CYLD: variants seen among roughly 807,000 people sequenced by gnomAD.
CYLD encodes CYLD lysine 63 deubiquitinase.
CYLD carries 26 observed loss-of-function variants against 104.5 expected under a neutral mutation model. The ratio of observed to expected loss-of-function variants is 0.25; its 90% CI spans 0.18 to 0.35. The LOEUF is 0.35. Ranked by LOEUF, CYLD falls within the 10% of genes least tolerant of loss-of-function variation. The pLI, the probability that CYLD is intolerant of heterozygous loss-of-function variation, is 1.00. For synonymous variants in CYLD, 385 were observed against 399.9 expected (o/e 0.96, Z 0.45); for missense variants, 703 against 1,136.1 (o/e 0.62, Z 5.48).
In CYLD at chr16:50,776,183, T is replaced by A; in HGVS notation, c.927T>A (p.Ser309Arg). 6.8e-6 allele frequency: 11 copies of A among 1,609,244 alleles called. No homozygotes were observed. Among genetic ancestry groups the A allele is most frequent in the Non-Finnish European group, 9.4e-6 (11 of 1,175,874 alleles). ...INDIIPALSE[S>R]VTQERRPPKL... is the part of the protein sequence containing the mutation. The stretch of plus-strand genomic sequence containing the variant: ...AAAACATGCTTACTGTTTCAGAGAG[T>A]GTGACGCAGGAAAGGAGGCCTCCCA... The change falls in exon 7 of 19, where the codon AGT (serine) becomes AGA (arginine). Residue 309 changes from serine (S) to arginine (R), a missense_variant. By Grantham distance (110) the Ser-to-Arg change is moderately radical. Coordinates refer to ENST00000427738, the MANE Select transcript of CYLD (RefSeq NM_001378743.1).
At chr16:50,751,981 CATATAT>C (rs1295381121) in intron 4 of CYLD, 75 bp downstream of exon 4, 4 of 114,532 alleles carry the variant, frequency 3.5e-5, no homozygotes, top group Non-Finnish European at 5.0e-5. Context: ...TATATATAAA[CATATAT>C]ATACACACAT....
rs1041866012 is a variant in CYLD at position 50,799,022 on chromosome 16, C to G, written c.*2514C>G. On this transcript the variant is annotated 3_prime_UTR_variant, in exon 19 of 19. Coordinates refer to ENST00000427738, the MANE Select transcript of CYLD (RefSeq NM_001378743.1). Reference sequence around the variant, plus strand: ...CCCCCTACTGTTCTGTGCTTCAGCACAGCCTGGTTTGTCAAGAGGCACATA... The same window carrying G: ...CCCCCTACTGTTCTGTGCTTCAGCAGAGCCTGGTTTGTCAAGAGGCACATA... The G allele has an allele frequency of 8.6e-6, 2 of 233,344 alleles. No individual in the cohort carries two copies. Among genetic ancestry groups the G allele is most frequent in the Non-Finnish European group, 1.7e-5 (2 of 118,094 alleles). 14.5% of individuals were successfully genotyped at this position (233,344 alleles called of 1,614,324 possible).
chr16:50,762,449 T>A (rs1364140955), intron 5 of CYLD, among the ~76,000 whole-genome samples: 1 of 151,960 alleles, frequency 6.6e-6, no homozygotes, highest in African/African-American at 2.4e-5. Context: ...GATGTACACG[T>A]GTGGATCTTT....
chr16:50,779,320 C>T (rs186702295), intron 8 of CYLD, among the ~76,000 whole-genome samples: 1 of 151,850 alleles, frequency 6.6e-6, no homozygotes, highest in African/African-American at 2.4e-5. Flanking sequence ...TTTTTTGATC[C>T]ATTAGATATA....
chr16:50,753,696 G>A (rs1314877272), intron 4 of CYLD, among the ~76,000 whole-genome samples: 1 of 152,298 alleles, frequency 6.6e-6, no homozygotes, highest in East Asian at 1.9e-4. Flanking sequence ...TTGTCTGACT[G>A]GCCCGTCTAC....
intron 5 of CYLD, among the ~76,000 whole-genome samples, chr16:50,768,404 A>G (rs1321798342): frequency 6.6e-6 from 1 of 152,168 alleles, no homozygotes; most frequent in Non-Finnish European, 1.5e-5. Context: ...TTCTTGCCCA[A>G]TTACCTTCAT....
chr16:50,795,408 G>C lies in CYLD; in HGVS notation c.2687-916G>C, dbSNP rs1971926981. On this transcript the variant is annotated intron_variant, in intron 18 of 18. Coordinates refer to ENST00000427738, the MANE Select transcript of CYLD (RefSeq NM_001378743.1). ...TGCTTAATGAATGCCAGGCAGGATA[G>C]TGGGTTGTAGGTAAGAAATGTTTGT... is the stretch of plus-strand genomic sequence containing the variant. The C allele has an allele frequency of 5.0e-6, 3 of 600,470 alleles. No individual in the cohort carries two copies. In the African/African-American group the frequency reaches 5.5e-5, roughly 11 times the overall value. 37.2% of individuals were successfully genotyped at this position (600,470 alleles called of 1,614,324 possible). A position where few individuals can be genotyped will look rare whatever the true frequency, so the allele number is the denominator to read the frequency against.
chr16:50,765,418 C>G (rs1968392110), intron 5 of CYLD, among the ~76,000 whole-genome samples: 1 of 152,202 alleles, frequency 6.6e-6, no homozygotes, highest in Non-Finnish European at 1.5e-5. Context: ...GACTGCTCCA[C>G]TGACTAGTGG....
chr16:50,792,120 T>C (rs72796392), intron 15 of CYLD, among the ~76,000 whole-genome samples: 2,315 of 152,340 alleles, frequency 0.015, 33 homozygotes, highest in Non-Finnish European at 0.023. Flanking sequence ...TTTTCTTTTA[T>C]TGTCCAAGAA....
At chr16:50,747,622 T>C (rs963905683) in intron 2 of CYLD, among the ~76,000 whole-genome samples, 1 of 152,164 alleles carries the variant, frequency 6.6e-6, no homozygotes, top group African/African-American at 2.4e-5. Flanking sequence ...TCCAACCAAA[T>C]TGAGGGGTTG....
At chr16:50,796,126 G>A (rs1972024448) in intron 18 of CYLD, among the ~76,000 whole-genome samples, 198 bp from the exon 19 acceptor site, 2 of 152,120 alleles carry the variant, frequency 1.3e-5, no homozygotes, top group Admixed American at 6.5e-5. Flanking sequence ...TTCACTGTTG[G>A]CCCCAGAATC....
chr16:50,754,923 A>C (rs531614635), intron 5 of CYLD, among the ~76,000 whole-genome samples: 305 of 148,534 alleles, frequency 2.1e-3, no homozygotes, highest in Non-Finnish European at 3.3e-3. Flanking sequence ...ATGTATACAT[A>C]TATACACACA....
At chr16:50,763,152 C>T (rs1968138212) in intron 5 of CYLD, among the ~76,000 whole-genome samples, 1 of 152,122 alleles carries the variant, frequency 6.6e-6, no homozygotes, top group African/African-American at 2.4e-5. Flanking sequence ...ACTTTTTTCA[C>T]TTAGCATAAT....
intron 1 of CYLD, 185 bp from the exon 2 acceptor site, chr16:50,742,575 CTG>C (rs976715909): frequency 2.8e-4 from 48 of 169,650 alleles, no homozygotes; most frequent in African/African-American, 1.0e-3. Flanking sequence ...GATTGGGAGA[CTG>C]AGGCACAGGC....
At chr16:50,754,968 CAT>C (rs1214157194) in intron 5 of CYLD, among the ~76,000 whole-genome samples, 44 of 138,536 alleles carry the variant, frequency 3.2e-4, no homozygotes, top group South Asian at 4.4e-4. Flanking sequence ...CATATACACA[CAT>C]ATATGTATAC....
intron 4 of CYLD, among the ~76,000 whole-genome samples, chr16:50,752,634 C>G (rs1031532629): frequency 3.9e-5 from 6 of 152,100 alleles, no homozygotes; most frequent in South Asian, 4.1e-4. Context: ...TTTCATCATC[C>G]CAAACCGAAA....
At chr16:50,786,461 T>C in intron 12 of CYLD, 1 of 181,116 alleles carries the variant, frequency 5.5e-6, no homozygotes, top group Non-Finnish European at 1.2e-5. Context: ...ATACTGGAGT[T>C]GTATAAGAAA....
chr16:50,781,423 C>G lies in CYLD; in HGVS notation c.1684+12C>G. 1 of 1,613,012 alleles carries G rather than the reference C, an allele frequency of 6.2e-7. No homozygotes were observed. ...CTGTAACTCTTTAGGTATTTGGATG[C>G]TTTTTGTTTACTTAACAACCTGGAA... On this transcript the variant is annotated intron_variant, in intron 10 of 18. Coordinates refer to ENST00000427738, the MANE Select transcript of CYLD (RefSeq NM_001378743.1).
chr16:50,774,877 A>G lies in CYLD; in HGVS notation c.914-289A>G, dbSNP rs149482018. ...ATTAGTACATAGCTTTTCTCTTATT[A>G]TATCACTTGATCGAAATCGTGGTTA... is the stretch of plus-strand genomic sequence containing the variant. On this transcript the variant is annotated intron_variant, in intron 5 of 18. Transcript: ENST00000427738. 4.8e-3 allele frequency among the ~76,000 whole-genome samples: 730 copies of G among 152,336 alleles called. 4 individuals are homozygous for G. The highest frequency in any genetic ancestry group is 8.1e-3 in the Non-Finnish European group (548 of 68,026).
Sources: gnomAD v4.1 joint callset for allele counts (sites outside exome capture counted in the v4.1 genomes callset) on GRCh38, gnomAD v4.1.1 for gene constraint, MANE v1.5 for transcripts, NCBI Gene and HGNC (gene_info 2026-07-23, HGNC 2026-07-21) for gene names.